Variants in RPTOR observed in about 807,000 individuals in gnomAD.
RPTOR encodes regulatory associated protein of MTOR complex 1.
In RPTOR, 21 loss-of-function variants were observed where a neutral mutation model predicts 169.9. The observed-to-expected ratio is 0.12, with a 90% confidence interval of 0.09 to 0.18. RPTOR has a LOEUF of 0.18. Among genes scored for constraint, RPTOR ranks in the 10% least tolerant of loss-of-function variants. RPTOR has a pLI of 1.00. For missense variants in RPTOR, 1,133 were observed against 1,855.9 expected (o/e 0.61, Z 7.16); for synonymous variants, 732 against 753.2 (o/e 0.97, Z 0.46).
At chr17:80,807,644 G>A (rs962698086) in intron 7 of RPTOR, among the ~76,000 whole-genome samples, 3 of 152,040 alleles carry the variant, frequency 2.0e-5, no homozygotes, top group Non-Finnish European at 4.4e-5. Context: ...GAGCCACTGT[G>A]CCCGGCCAAG....
intron 9 of RPTOR, among the ~76,000 whole-genome samples, chr17:80,824,981 C>A (rs995714307): frequency 1.3e-5 from 2 of 151,854 alleles, no homozygotes; most frequent in African/African-American, 4.8e-5. Context: ...ATCTAGAGGC[C>A]GCGTGGCGAG....
chr17:80,642,245 T>A (rs928812101), intron 2 of RPTOR, among the ~76,000 whole-genome samples: 1 of 152,104 alleles, frequency 6.6e-6, no homozygotes, highest in African/African-American at 2.4e-5. Context: ...CAAGTGATTC[T>A]CCTGTCTCAG....
chr17:80,765,308 G>A (rs898409624), intron 6 of RPTOR, among the ~76,000 whole-genome samples: 2 of 152,192 alleles, frequency 1.3e-5, no homozygotes, highest in African/African-American at 4.8e-5. Flanking sequence ...CTCAGTTCTT[G>A]ATACTTGCTG....
chr17:80,817,232 A>G (rs2067333296), intron 7 of RPTOR, among the ~76,000 whole-genome samples: 1 of 152,184 alleles, frequency 6.6e-6, no homozygotes, highest in African/African-American at 2.4e-5. Flanking sequence ...TCACAGAGCC[A>G]GTCTCTGGCC....
In RPTOR at chr17:80,965,198, G is replaced by C. The variant is rs1468174748; in HGVS notation, c.*868G>C. The C allele has an allele frequency of 4.3e-6, 1 of 233,228 alleles. No homozygotes were observed. Among genetic ancestry groups the C allele is most frequent in the Non-Finnish European group, 8.5e-6 (1 of 118,064 alleles). 14.4% of individuals were successfully genotyped at this position (233,228 alleles called of 1,614,324 possible). A position where few individuals can be genotyped will look rare whatever the true frequency, so the allele number is the denominator to read the frequency against. On this transcript the variant is annotated 3_prime_UTR_variant, in exon 34 of 34. Transcript: ENST00000306801. ...CAGCAGCCCGACCTGTGGTCTCCAT[G>C]CCTGTGCCCTCACACAGGTGTAGCA...
Position 80,918,521 on chromosome 17 carries a change from G to GCGGGGGTCATAGCCATGAGCACCCTCA in RPTOR, c.2521-4183_2521-4157dup, listed in dbSNP as rs6146167. Reference sequence around the variant, plus strand: ...GGGGGTCATAGCCATGAGCACCCTCGCGGGGGTCATAGCCATGAGCACCCT... The same window carrying GCGGGGGTCATAGCCATGAGCACCCTCA: ...GGGGGTCATAGCCATGAGCACCCTCGCGGGGGTCATAGCCATGAGCACCCTCACGGGGGTCATAGCCATGAGCACCCT... On this transcript the variant is annotated intron_variant, in intron 21 of 33. Coordinates refer to ENST00000306801, the MANE Select transcript of RPTOR (RefSeq NM_020761.3). Among the ~76,000 whole-genome samples, 6 of 133,494 alleles carry GCGGGGGTCATAGCCATGAGCACCCTCA rather than the reference G, an allele frequency of 4.5e-5. No homozygotes were observed. The South Asian group carries it at 6.9e-4, about 15-fold the overall frequency. The allele number at this position is 133,494 out of a possible 152,430, so 87.6% of individuals were successfully genotyped here. A position where few individuals can be genotyped will look rare whatever the true frequency, so the allele number is the denominator to read the frequency against.
At position 80,654,944 on chromosome 17, in the gene RPTOR, A is replaced by T. The variant is rs7211951; in HGVS notation, c.348+11134A>T. Among the ~76,000 whole-genome samples the T allele has an allele frequency of 2.7e-3, 415 of 152,376 alleles. 3 individuals are homozygous for T. Among genetic ancestry groups the T allele is most frequent in the African/African-American group, 9.4e-3 (393 of 41,588 alleles). On this transcript the variant is annotated intron_variant, in intron 3 of 33. Coordinates refer to ENST00000306801, the MANE Select transcript of RPTOR (RefSeq NM_020761.3). ...TCAGAAAAGATAGTAAAGAAAAATA[A>T]ATGGATAAACATAGAAGAAAGAGAA...
chr17:80,846,394 C>G, intron 10 of RPTOR, 79 bp from the exon 11 acceptor site: 1 of 1,408,876 alleles, frequency 7.1e-7, no homozygotes, highest in Non-Finnish European at 9.9e-7. Context: ...CTTGGATGCC[C>G]GGCAGGTGGC....
chr17:80,906,922 G>A (rs978944553), intron 20 of RPTOR, among the ~76,000 whole-genome samples: 5 of 152,236 alleles, frequency 3.3e-5, no homozygotes, highest in East Asian at 1.9e-4. Flanking sequence ...CGGTGGGGGC[G>A]CGCACAGCAG....
At chr17:80,743,833 GCACAGCCC>G in intron 5 of RPTOR, among the ~76,000 whole-genome samples, 1 of 122,032 alleles carries the variant, frequency 8.2e-6, no homozygotes, top group African/African-American at 3.0e-5. Flanking sequence ...CTGGCTACTA[GCACAGCCC>G]TGGTTACTAG....
At chr17:80,812,472 A>G (rs1315718035) in intron 7 of RPTOR, among the ~76,000 whole-genome samples, 2 of 152,168 alleles carry the variant, frequency 1.3e-5, no homozygotes, top group African/African-American at 2.4e-5. Context: ...GTCTCAGCTC[A>G]ACAACTGAGG....
intron 1 of RPTOR, among the ~76,000 whole-genome samples, chr17:80,585,933 C>T (rs149808466): frequency 6.6e-6 from 1 of 151,968 alleles, no homozygotes; most frequent in Non-Finnish European, 1.5e-5. Context: ...TATATACACT[C>T]TCTGTTCAGA....
intron 1 of RPTOR, among the ~76,000 whole-genome samples, chr17:80,598,178 G>A (rs1192813087): frequency 6.6e-6 from 1 of 152,064 alleles, no homozygotes; most frequent in East Asian, 1.9e-4. Context: ...TGTGGGGCGT[G>A]TGGAAGGAAG....
At chr17:80,764,102 C>T (rs1380812024) in intron 6 of RPTOR, among the ~76,000 whole-genome samples, 2 of 150,854 alleles carry the variant, frequency 1.3e-5, no homozygotes, top group African/African-American at 2.4e-5. Context: ...AAGTCCTGAC[C>T]GTATGACTTC....
chr17:80,743,050 C>T (rs12950333), intron 5 of RPTOR, among the ~76,000 whole-genome samples: 79,514 of 152,008 alleles, frequency 0.52, 21,094 homozygotes, highest in Non-Finnish European at 0.57. Flanking sequence ...AGTGAGTACA[C>T]GTGTCTGGAT....
chr17:80,879,030 G>T (rs1337103112), intron 13 of RPTOR, among the ~76,000 whole-genome samples: 2 of 151,904 alleles, frequency 1.3e-5, no homozygotes, highest in Non-Finnish European at 2.9e-5. Context: ...CCGATAAGCG[G>T]TGACTTCTCA....
At chr17:80,602,399 G>C in intron 1 of RPTOR, 1 of 115,824 alleles carries the variant, frequency 8.6e-6, no homozygotes, top group African/African-American at 1.2e-4. Context: ...CCTCCCGGAC[G>C]GGGCGGCTGG....
intron 3 of RPTOR, among the ~76,000 whole-genome samples, chr17:80,682,301 T>A (rs2065905531): frequency 6.6e-6 from 1 of 152,106 alleles, no homozygotes; most frequent in South Asian, 2.1e-4. Flanking sequence ...GTCAGGGGTC[T>A]CCCTATGTAA....
chr17:80,956,101 G>A (rs1244100845), intron 28 of RPTOR, among the ~76,000 whole-genome samples: 1 of 152,194 alleles, frequency 6.6e-6, no homozygotes, highest in African/African-American at 2.4e-5. Context: ...GTTGATGAGC[G>A]TGCGTAAGCA....
Sources: gnomAD v4.1 joint callset for allele counts (sites outside exome capture counted in the v4.1 genomes callset) on GRCh38, gnomAD v4.1.1 for gene constraint, MANE v1.5 for transcripts, NCBI Gene and HGNC (gene_info 2026-07-23, HGNC 2026-07-21) for gene names.